The following EOGT variants were observed in gnomAD, a reference collection of about 807,000 sequenced individuals.
EOGT encodes EGF domain specific O-linked N-acetylglucosamine transferase.
EOGT carries 55 observed loss-of-function variants against 70.5 expected under a neutral mutation model. That is an observed-to-expected ratio of 0.78 (90% confidence interval 0.63 to 0.98). The LOEUF (loss-of-function observed/expected upper bound fraction) is 0.98. EOGT is among the 50% of genes least tolerant of loss of function. The pLI is 0.00. For missense variants in EOGT, 703 were observed against 641.9 expected, an observed-to-expected ratio of 1.10 and a Z score of -1.03; for synonymous variants, 246 against 217.1, an observed-to-expected ratio of 1.13 and a Z score of -1.17.
At chr3:68,979,574 A>G in intron 16 of EOGT, 94 bp downstream of exon 16, 1 of 1,328,520 alleles carries the variant, frequency 7.5e-7, no homozygotes, top group Non-Finnish European at 1.0e-6. Flanking sequence ...TGAATGATTA[A>G]ATATTAAGCC....
At chr3:68,986,372 G>A (rs771415911) in intron 14 of EOGT, among the ~76,000 whole-genome samples, 7 of 151,940 alleles carry the variant, frequency 4.6e-5, no homozygotes, top group African/African-American at 7.3e-5. Flanking sequence ...TACCAACAAC[G>A]CCCTGCTTTA....
At chr3:69,004,742 C>G (rs568873767) in intron 7 of EOGT, among the ~76,000 whole-genome samples, 1 of 152,208 alleles carries the variant, frequency 6.6e-6, no homozygotes, top group African/African-American at 2.4e-5. Context: ...CCCAACCCCT[C>G]TGCCATATCA....
In EOGT at chr3:69,007,677, TAAAC is replaced by T. The variant is rs199805778; in HGVS notation, c.420+32_420+35del. 4.6e-3 allele frequency: 6,185 copies of T among 1,333,236 alleles called. 25 individuals are homozygous for T. The highest frequency in any genetic ancestry group is 5.8e-3 in the Non-Finnish European group (5,503 of 950,146). The allele number at this position is 1,333,236 out of a possible 1,614,324, so 82.6% of individuals were successfully genotyped here. On this transcript the variant is annotated intron_variant, in intron 6 of 17. Coordinates refer to ENST00000383701, the MANE Select transcript of EOGT (RefSeq NM_001278689.2). ...AAAAATAAATAAAATTAAAATTAAA[TAAAC>T]AAGTTTATTTAGTAAGGAGCAAAAT...
At chr3:68,996,740 G>C (rs764327785) in intron 10 of EOGT, among the ~76,000 whole-genome samples, 1 of 152,196 alleles carries the variant, frequency 6.6e-6, no homozygotes, top group African/African-American at 2.4e-5. Context: ...GCAAGCTGTG[G>C]TTCCCCTGCA....
chr3:68,984,399 CAT>C (rs1335152463), intron 14 of EOGT, among the ~76,000 whole-genome samples: 2 of 152,180 alleles, frequency 1.3e-5, no homozygotes, highest in Non-Finnish European at 2.9e-5. Flanking sequence ...TAAAAGGAAT[CAT>C]GTGTGCTGAC....
chr3:68,981,328 AT>A (rs1457166024), intron 15 of EOGT, among the ~76,000 whole-genome samples: 1 of 152,160 alleles, frequency 6.6e-6, no homozygotes, highest in East Asian at 1.9e-4. Context: ...CCCAATAGAG[AT>A]TTATTGCACA....
intron 16 of EOGT, among the ~76,000 whole-genome samples, chr3:68,979,367 C>T (rs539730300): frequency 6.6e-6 from 1 of 152,194 alleles, no homozygotes; most frequent in South Asian, 2.1e-4. Context: ...TGCAAGAAGA[C>T]GCTCAGAGTT....
In EOGT at chr3:68,987,497, A is replaced by T. The variant is rs764931480; in HGVS notation, c.1100T>A (p.Val367Asp). 1.2e-6 allele frequency: 2 copies of T among 1,613,784 alleles called. No individual in the cohort carries two copies. Among genetic ancestry groups the T allele is most frequent in the South Asian group, 2.2e-5 (2 of 91,046 alleles). Residue 367 changes from valine (V) to aspartate (D), a missense_variant, in exon 14 of 18, where the codon GTC becomes GAC. Coordinates refer to ENST00000383701, the MANE Select transcript of EOGT (RefSeq NM_001278689.2). The part of the protein sequence containing the change: ...QEGPKDGKIR[V>D]TILARSTEYR... ...TTCTGTGCTCCGTGCAAGAATGGTG[A>T]CTCGAATTTTTCCATCCTGTAATCA... is the stretch of plus-strand genomic sequence containing the variant.
At position 68,978,254 on chromosome 3, in the gene EOGT, A is replaced by T. The variant is rs947651858; in HGVS notation, c.1437+79T>A. On this transcript the variant is annotated intron_variant, in intron 17 of 17. Coordinates refer to ENST00000383701, the MANE Select transcript of EOGT (RefSeq NM_001278689.2). ...TATCTTTGCAGCACTGAAGTTCAATAACCATTTTTCATATCAATAATTGGA... is the reference window on the plus strand; with the variant it reads ...TATCTTTGCAGCACTGAAGTTCAATTACCATTTTTCATATCAATAATTGGA... 50 of 1,026,512 alleles carry T rather than the reference A, an allele frequency of 4.9e-5. No homozygotes were observed. The Admixed American group carries it at 8.8e-4, about 18-fold the overall frequency. 63.6% of individuals were successfully genotyped at this position (1,026,512 alleles called of 1,614,324 possible). A position where few individuals can be genotyped will look rare whatever the true frequency, so the allele number is the denominator to read the frequency against.
chr3:68,984,229 AC>A (rs2090737836), intron 14 of EOGT, among the ~76,000 whole-genome samples: 1 of 151,114 alleles, frequency 6.6e-6, no homozygotes, highest in African/African-American at 2.4e-5. Context: ...TCTCACACTC[AC>A]ACACACACAC....
At chr3:68,983,399 T>C (rs921240642) in intron 14 of EOGT, among the ~76,000 whole-genome samples, 15 of 152,216 alleles carry the variant, frequency 9.9e-5, no homozygotes, top group African/African-American at 3.6e-4. Context: ...TACTTCTACA[T>C]AGAAAAACAA....
In EOGT at chr3:69,002,970, G is replaced by A. The variant is rs368793930; in HGVS notation, c.621-1256C>T. 1.6e-4 allele frequency among the ~76,000 whole-genome samples: 24 copies of A among 152,186 alleles called. No individual in the cohort carries two copies. In the South Asian group the frequency reaches 4.8e-3, roughly 30 times the overall value. ...GGCATGAGCCGCCATTCCTGGCCTT[G>A]GTATGGACATTTGACCTTACAAATT... On this transcript the variant is annotated intron_variant, in intron 8 of 17. Transcript: ENST00000383701.
At chr3:69,009,507 C>A (rs1475528050) in intron 4 of EOGT, 130 bp downstream of exon 4, 1 of 648,568 alleles carries the variant, frequency 1.5e-6, no homozygotes, top group Non-Finnish European at 2.6e-6. Flanking sequence ...TTATATGAAA[C>A]AATGATTAAC....
chr3:68,997,540 T>G (rs1215051397), intron 10 of EOGT, among the ~76,000 whole-genome samples: 1 of 152,148 alleles, frequency 6.6e-6, no homozygotes, highest in Admixed American at 6.5e-5. Flanking sequence ...GGCTAATTTT[T>G]GTATTTTTAG....
chr3:68,992,776 T>C (rs2091031694), intron 10 of EOGT, among the ~76,000 whole-genome samples: 1 of 152,234 alleles, frequency 6.6e-6, no homozygotes, highest in Non-Finnish European at 1.5e-5. Context: ...CCAGGGCATC[T>C]AGGCATTTCC....
chr3:68,988,834 C>T, intron 11 of EOGT, 91 bp downstream of exon 11: 1 of 696,100 alleles, frequency 1.4e-6, no homozygotes, highest in Non-Finnish European at 2.3e-6. Context: ...GTGGTAATGG[C>T]TAATAGGAAC....
intron 8 of EOGT, among the ~76,000 whole-genome samples, chr3:69,003,482 G>C (rs1003864641): frequency 2.0e-5 from 3 of 152,122 alleles, no homozygotes; most frequent in African/African-American, 7.2e-5. Context: ...ACGCTCTCTT[G>C]TCTGCTGTCA....
At chr3:69,003,933 T>C (rs990767269) in intron 8 of EOGT, among the ~76,000 whole-genome samples, 1 of 152,230 alleles carries the variant, frequency 6.6e-6, no homozygotes, top group African/African-American at 2.4e-5. Context: ...ATTTGAGGTC[T>C]CATCATATTG....
In EOGT at chr3:69,004,361, CG is replaced by C. The variant is rs2091383001; in HGVS notation, c.620+16del. The C allele has an allele frequency of 2.5e-6, 4 of 1,578,458 alleles. No homozygotes were observed. In the African/African-American group the frequency reaches 5.4e-5, roughly 21 times the overall value. Reference sequence around the variant, plus strand: ...AAGGCAAATATTTCCGAAACAGATACGTTAAAAATATCTTACCATGACTGCA... The same window carrying C: ...AAGGCAAATATTTCCGAAACAGATACTTAAAAATATCTTACCATGACTGCA... On this transcript the variant is annotated intron_variant, in intron 8 of 17. Transcript: ENST00000383701.
Sources: gnomAD v4.1 joint callset for allele counts (sites outside exome capture counted in the v4.1 genomes callset) on GRCh38, gnomAD v4.1.1 for gene constraint, MANE v1.5 for transcripts, NCBI Gene and HGNC (gene_info 2026-07-23, HGNC 2026-07-21) for gene names.